Variants in IQANK1 observed in about 807,000 individuals in gnomAD.
IQANK1 encodes the protein IQ motif and ankyrin repeat domain-containing protein 1.
Under a neutral mutation model 22.6 loss-of-function variants are expected in IQANK1, and 30 were observed. That is an observed-to-expected ratio of 1.33 (90% CI 0.99 to 1.80). The LOEUF is 1.80. IQANK1 is among the 40% of genes most tolerant of loss of function. The pLI, the probability that IQANK1 is intolerant of heterozygous loss-of-function variation, is 0.00. For synonymous variants in IQANK1, 122 were observed against 99.6 expected (o/e 1.23, Z -1.34); for missense variants, 275 against 235.2 (o/e 1.17, Z -1.11).
At chr8:143,742,294 A>G (rs1554626637) in intron 3 of IQANK1, 2 of 439,764 alleles carry the variant, frequency 4.5e-6, no homozygotes, top group African/African-American at 4.0e-5. Context: ...GTGGGTGATG[A>G]GGTGCCCCCC....
chr8:143,751,656 G>GTATATATATATATA (rs1430170946), intron 3 of IQANK1, among the ~76,000 whole-genome samples: 8 of 39,626 alleles, frequency 2.0e-4, no homozygotes, highest in Non-Finnish European at 6.8e-4. Context: ...GTGTGTGTGT[G>GTATATATATATATA]TGTGTGTGTA....
intron 7 of IQANK1, among the ~76,000 whole-genome samples, chr8:143,784,097 A>G (rs1819843875): frequency 6.6e-6 from 1 of 152,200 alleles, no homozygotes; most frequent in Non-Finnish European, 1.5e-5. Context: ...CTCTCCAAAT[A>G]TACAGATGGT....
Position 143,789,874 on chromosome 8 carries a change from G to C in IQANK1, c.1195+5G>C. ...TTCGGGAGCAGACGCAGGAGGGTGG[G>C]CCTGGCATGGGGCGCCGGCTGGGGG... is the stretch of plus-strand genomic sequence containing the variant. On this transcript the variant is annotated splice_donor_5th_base_variant and intron_variant, in intron 11 of 13. Coordinates refer to ENST00000527139, the MANE Select transcript of IQANK1 (RefSeq NM_001381874.1). 1 of 1,232,020 alleles carries C rather than the reference G, an allele frequency of 8.1e-7. No individual in the cohort carries two copies. The highest frequency in any genetic ancestry group is 1.0e-6 in the Non-Finnish European group (1 of 988,070). 76.3% of individuals were successfully genotyped at this position (1,232,020 alleles called of 1,614,324 possible).
intron 2 of IQANK1, among the ~76,000 whole-genome samples, chr8:143,736,636 T>C (rs1207491313): frequency 6.6e-6 from 1 of 152,178 alleles, no homozygotes; most frequent in Non-Finnish European, 1.5e-5. Flanking sequence ...ATGTGTTCTC[T>C]GACTCTCTGC....
intron 7 of IQANK1, among the ~76,000 whole-genome samples, chr8:143,783,175 CA>C (rs1277471350): frequency 6.6e-6 from 1 of 152,122 alleles, no homozygotes; most frequent in African/African-American, 2.4e-5. Flanking sequence ...CACAGTTTTC[CA>C]AAATGGTTGT....
chr8:143,769,369 T>G (rs575066378), intron 3 of IQANK1, among the ~76,000 whole-genome samples: 1 of 150,902 alleles, frequency 6.6e-6, no homozygotes, highest in South Asian at 2.1e-4. Flanking sequence ...CCTATATATA[T>G]TTTTTTAAAG....
At chr8:143,742,705 G>T (rs782268779) in intron 3 of IQANK1, 35 of 455,870 alleles carry the variant, frequency 7.7e-5, no homozygotes, top group South Asian at 5.3e-4. Context: ...AGCTCCAAAG[G>T]GGGGCCTGCC....
rs1398367148 is a variant in IQANK1, at chr8:143,789,079, G to C, written c.938+16G>C. 4 of 401,592 alleles carry C rather than the reference G, an allele frequency of 1.0e-5. No individual in the cohort carries two copies. Among genetic ancestry groups the C allele is most frequent in the Non-Finnish European group, 1.8e-5 (4 of 227,906 alleles). The allele number at this position is 401,592 out of a possible 1,614,324, so 24.9% of individuals were successfully genotyped here. A position where few individuals can be genotyped will look rare whatever the true frequency, so the allele number is the denominator to read the frequency against. ...GGTGTGGAAGGCAGGAGGGGTGTGGGAGGTGCTGGCGAGGGGTGCTGGCAA... is the reference window on the plus strand; with the variant it reads ...GGTGTGGAAGGCAGGAGGGGTGTGGCAGGTGCTGGCGAGGGGTGCTGGCAA... On this transcript the variant is annotated intron_variant, in intron 8 of 13. Coordinates refer to ENST00000527139, the MANE Select transcript of IQANK1 (RefSeq NM_001381874.1).
Position 143,789,972 on chromosome 8 carries a change from G to T in IQANK1, c.1197G>T (p.Gly399=). The change falls in exon 12 of 14, where the codon GGG becomes GGT. Residue 399 remains glycine (G), a splice_region_variant and synonymous_variant. Transcript: ENST00000527139. Reference sequence around the variant, plus strand: ...AGCTGCACTCTGCTACCCCGACAGGGGAGGAAGAGGCGCCTGGGCTGAAGT... The same window carrying T: ...AGCTGCACTCTGCTACCCCGACAGGTGAGGAAGAGGCGCCTGGGCTGAAGT... ...RLELREQTQE[G]EEEAPGLKCQ... is the part of the protein sequence containing the mutation. The T allele has an allele frequency of 8.1e-7, 1 of 1,232,040 alleles. No individual in the cohort carries two copies. Among genetic ancestry groups the T allele is most frequent in the Non-Finnish European group, 1.0e-6 (1 of 988,010 alleles). 76.3% of individuals were successfully genotyped at this position (1,232,040 alleles called of 1,614,324 possible).
At chr8:143,744,999 C>T (rs782774417) in intron 3 of IQANK1, 1 of 151,584 alleles carries the variant, frequency 6.6e-6, no homozygotes, top group Non-Finnish European at 1.5e-5. Flanking sequence ...TTCCCGTCCT[C>T]GAAAAGCCTC....
rs1819960259 is a variant in IQANK1 at position 143,789,173 on chromosome 8, C to T, written c.939-16C>T. 3 of 399,866 alleles carry T rather than the reference C, an allele frequency of 7.5e-6. No homozygotes were observed. The highest frequency in any genetic ancestry group is 4.4e-5 in the Admixed American group (1 of 22,728). The allele number at this position is 399,866 out of a possible 1,614,324, so 24.8% of individuals were successfully genotyped here. A position where few individuals can be genotyped will look rare whatever the true frequency, so the allele number is the denominator to read the frequency against. ...GCTGGCGGAAGCCTCTGTCCCAGCTCATTCCTGCTCCTTAGTATGACCCTC... is the reference window on the plus strand; with the variant it reads ...GCTGGCGGAAGCCTCTGTCCCAGCTTATTCCTGCTCCTTAGTATGACCCTC... On this transcript the variant is annotated splice_polypyrimidine_tract_variant and intron_variant, in intron 8 of 13. Transcript: ENST00000527139.
Position 143,739,842 on chromosome 8 carries a change from C to T in IQANK1, c.86-17C>T, listed in dbSNP as rs1277071346. The T allele has an allele frequency of 7.3e-6, 5 of 688,526 alleles. No homozygotes were observed. The Admixed American group carries it at 8.3e-5, about 11-fold the overall frequency. The allele number at this position is 688,526 out of a possible 1,614,324, so 42.7% of individuals were successfully genotyped here. A position where few individuals can be genotyped will look rare whatever the true frequency, so the allele number is the denominator to read the frequency against. ...GGGTCTCTCATCCCAAGCTCACTGA[C>T]GGTCGTTTTCCCTTAGGGAAGCCCG... On this transcript the variant is annotated splice_polypyrimidine_tract_variant and intron_variant, in intron 2 of 13. Transcript: ENST00000527139.
At chr8:143,769,539 C>T (rs1819535750) in intron 3 of IQANK1, among the ~76,000 whole-genome samples, 2 of 152,218 alleles carry the variant, frequency 1.3e-5, no homozygotes, top group African/African-American at 2.4e-5. Flanking sequence ...AGTGTATGTC[C>T]CCCAAATTGC....
chr8:143,782,628 G>A (rs190722330), intron 7 of IQANK1, among the ~76,000 whole-genome samples: 149 of 152,180 alleles, frequency 9.8e-4, no homozygotes, highest in African/African-American at 2.4e-3. Flanking sequence ...TTACAGGCAC[G>A]TGCCACCATG....
At chr8:143,784,682 C>A (rs906558891) in intron 7 of IQANK1, among the ~76,000 whole-genome samples, 3 of 152,190 alleles carry the variant, frequency 2.0e-5, no homozygotes, top group Non-Finnish European at 4.4e-5. Flanking sequence ...GCTGACAGAG[C>A]AACCACCATC....
chr8:143,790,564 G>C lies in IQANK1; in HGVS notation c.1639G>C (p.Val547Leu), dbSNP rs1331994518. 1 of 399,086 alleles carries C rather than the reference G, an allele frequency of 2.5e-6. No homozygotes were observed. The highest frequency in any genetic ancestry group is 4.4e-6 in the Non-Finnish European group (1 of 226,360). 24.7% of individuals were successfully genotyped at this position (399,086 alleles called of 1,614,324 possible). A position where few individuals can be genotyped will look rare whatever the true frequency, so the allele number is the denominator to read the frequency against. ...GTGGCCGCCAGCTGAGCAGCTGCAG[G>C]TGCTGCTCCCAGTGCGCGTGCAGCT... ...VQWPPAEQLQ[V>L]LLPVRVQLPG... is the part of the protein sequence containing the mutation. The change falls in exon 14 of 14, where the codon GTG becomes CTG. Residue 547 changes from valine to leucine, a missense_variant. Transcript: ENST00000527139.
At position 143,771,055 on chromosome 8, in the gene IQANK1, C is replaced by T. The variant is rs569334480; in HGVS notation, c.176-433C>T. Among the ~76,000 whole-genome samples, 3 of 152,336 alleles carry T rather than the reference C, an allele frequency of 2.0e-5. No homozygotes were observed. The South Asian group carries it at 6.2e-4, about 32-fold the overall frequency. ...CTGGGCTCCGCGCCCTCTTCTGAGTCCAGCGGGGCTGTGATGAGCCCTCCC... is the reference window on the plus strand; with the variant it reads ...CTGGGCTCCGCGCCCTCTTCTGAGTTCAGCGGGGCTGTGATGAGCCCTCCC... On this transcript the variant is annotated intron_variant, in intron 3 of 13. Transcript: ENST00000527139. This position sits in a 1 kb window ranked among gnomAD's most constrained non-coding sequence, Gnocchi z 6.0.
At chr8:143,738,935 G>T (rs1182097804) in intron 2 of IQANK1, among the ~76,000 whole-genome samples, 3 of 152,206 alleles carry the variant, frequency 2.0e-5, no homozygotes, top group Admixed American at 6.5e-5. Context: ...GGAGACAAAG[G>T]ACCCAGGGAC....
At chr8:143,786,284 C>G (rs923900981) in intron 7 of IQANK1, among the ~76,000 whole-genome samples, 2 of 152,208 alleles carry the variant, frequency 1.3e-5, no homozygotes, top group Admixed American at 1.3e-4. Context: ...AGTCACTTCA[C>G]CAACTTCAGA....
Sources: gnomAD v4.1 joint callset for allele counts (sites outside exome capture counted in the v4.1 genomes callset) on GRCh38, gnomAD v4.1.1 for gene constraint, Gnocchi (gnomAD v3.1) non-coding constraint, MANE v1.5 for transcripts, NCBI Gene and HGNC (gene_info 2026-07-23, HGNC 2026-07-21) for gene names.